The following TMED3 variants were observed in gnomAD, a reference collection of about 807,000 sequenced individuals.
The protein encoded by TMED3 is transmembrane p24 trafficking protein 3.
In TMED3, 9 loss-of-function variants were observed where a neutral mutation model predicts 15.0. The ratio of observed to expected loss-of-function variants is 0.60; its 90% CI spans 0.36 to 1.04. TMED3 has a LOEUF of 1.04. Ranked by LOEUF, TMED3 falls within the 50% of genes least tolerant of loss-of-function variation. The pLI is 0.01. For synonymous variants in TMED3, 117 were observed against 121.4 expected (o/e 0.96, Z 0.24); for missense variants, 267 against 278.9 (o/e 0.96, Z 0.30).
intron 2 of TMED3, among the ~76,000 whole-genome samples, chr15:79,389,520 A>G (rs755665362): frequency 1.3e-5 from 2 of 152,168 alleles, no homozygotes; most frequent in Non-Finnish European, 2.9e-5. Context: ...GAAATCAGGT[A>G]GTGTGATGCC....
intron 2 of TMED3, among the ~76,000 whole-genome samples, chr15:79,399,365 C>T (rs183339532): frequency 6.6e-6 from 1 of 152,294 alleles, no homozygotes; most frequent in African/African-American, 2.4e-5. Flanking sequence ...GTTTCCCAAA[C>T]TGCAACTTCT....
chr15:79,397,483 T>C (rs1893776337), intron 2 of TMED3, among the ~76,000 whole-genome samples: 2 of 152,230 alleles, frequency 1.3e-5, no homozygotes, highest in South Asian at 4.1e-4. Flanking sequence ...TACCATTTTC[T>C]GGTCAGCCCT....
At position 79,392,872 on chromosome 15, in the gene TMED3, C is replaced by A. The variant is rs567044084; in HGVS notation, c.418-18528C>A. Among the ~76,000 whole-genome samples, 15 of 152,318 alleles carry A rather than the reference C, an allele frequency of 9.8e-5. No individual in the cohort carries two copies. The South Asian group carries it at 2.7e-3, about 27-fold the overall frequency. Reference sequence around the variant, plus strand: ...CCTTCCAGTGACACAAAGCTAAAGGCTGTACAAGAGTTGGTTCACTTCTGA... The same window carrying A: ...CCTTCCAGTGACACAAAGCTAAAGGATGTACAAGAGTTGGTTCACTTCTGA... On this transcript the variant is annotated intron_variant, in intron 2 of 2. Coordinates refer to the TMED3 transcript ENST00000424155.
intron 2 of TMED3, among the ~76,000 whole-genome samples, chr15:79,339,108 A>ATT (rs2058839507): frequency 6.6e-6 from 1 of 152,162 alleles, no homozygotes; most frequent in Admixed American, 6.5e-5. Context: ...GCAGTAACAA[A>ATT]TTAGTGAAAG....
At chr15:79,383,133 C>T in intron 2 of TMED3, 2 of 1,008,778 alleles carry the variant, frequency 2.0e-6, no homozygotes, top group Non-Finnish European at 3.0e-6. Flanking sequence ...TGCCATGGTG[C>T]ACTTCACTTC....
chr15:79,325,602 A>T (rs1277701437), downstream of TMED3, among the ~76,000 whole-genome samples: 3 of 152,228 alleles, frequency 2.0e-5, no homozygotes, highest in Non-Finnish European at 1.5e-5. Context: ...GACTCACACG[A>T]TCACAAGGTG....
chr15:79,337,330 G>A (rs139729238), intron 2 of TMED3, among the ~76,000 whole-genome samples: 43 of 152,202 alleles, frequency 2.8e-4, no homozygotes, highest in Non-Finnish European at 4.9e-4. Context: ...CAGTTATGTT[G>A]GGTTAGGGCT....
chr15:79,404,156 A>T (rs1567041062), intron 2 of TMED3, among the ~76,000 whole-genome samples: 5 of 152,190 alleles, frequency 3.3e-5, no homozygotes, highest in African/African-American at 1.2e-4. Flanking sequence ...ATTCTTTAAG[A>T]CTTTGCATGG....
chr15:79,369,486 G>A (rs755941890), intron 2 of TMED3, among the ~76,000 whole-genome samples: 58 of 152,222 alleles, frequency 3.8e-4, no homozygotes, highest in Non-Finnish European at 7.8e-4. Flanking sequence ...ACATTTAAAG[G>A]TGGGATGCCT....
At chr15:79,311,530 C>T in intron 1 of TMED3, 113 bp downstream of exon 1, 1 of 1,334,116 alleles carries the variant, frequency 7.5e-7, no homozygotes, top group Non-Finnish European at 1.0e-6. Context: ...TACAGGGAGG[C>T]TGCATGGGGT....
intron 2 of TMED3, among the ~76,000 whole-genome samples, chr15:79,376,900 C>T (rs763309976): frequency 6.6e-6 from 1 of 152,060 alleles, no homozygotes; most frequent in Non-Finnish European, 1.5e-5. Flanking sequence ...CCTCAGGTAA[C>T]AAGGCCAGTT....
At chr15:79,378,603 G>T (rs1893468214) in intron 2 of TMED3, among the ~76,000 whole-genome samples, 1 of 152,164 alleles carries the variant, frequency 6.6e-6, no homozygotes, top group African/African-American at 2.4e-5. Context: ...ACATGCCTAA[G>T]GTCACTGGGT....
At chr15:79,325,846 C>T (rs529632573), downstream of TMED3, among the ~76,000 whole-genome samples, 3 of 152,156 alleles carry the variant, frequency 2.0e-5, no homozygotes, top group East Asian at 1.9e-4. Flanking sequence ...AGATGAAAGC[C>T]GGAAGACTCA....
In TMED3 at chr15:79,336,311, C is replaced by T. The variant is rs910658648; in HGVS notation, c.417+22306C>T. Among the ~76,000 whole-genome samples the T allele has an allele frequency of 5.9e-5, 9 of 152,288 alleles. No homozygotes were observed. The South Asian group carries it at 8.3e-4, about 14-fold the overall frequency. On this transcript the variant is annotated intron_variant, in intron 2 of 2. Transcript: ENST00000424155. Reference sequence around the variant, plus strand: ...TTAAAACATCAAAAAGCTAGGCCCCCACTGGCTGGCTAGTGGAGCTGGATC... The same window carrying T: ...TTAAAACATCAAAAAGCTAGGCCCCTACTGGCTGGCTAGTGGAGCTGGATC...
At chr15:79,359,169 G>A (rs1893074922) in intron 2 of TMED3, among the ~76,000 whole-genome samples, 1 of 151,862 alleles carries the variant, frequency 6.6e-6, no homozygotes, top group Non-Finnish European at 1.5e-5. Context: ...AAACAAAAGT[G>A]GACTGTGTGC....
chr15:79,402,797 A>C (rs1893851014), intron 2 of TMED3, among the ~76,000 whole-genome samples: 1 of 151,920 alleles, frequency 6.6e-6, no homozygotes, highest in Non-Finnish European at 1.5e-5. Context: ...AATAAAAATA[A>C]AAATAAAAAA....
chr15:79,394,186 T>C (rs1893734986), intron 2 of TMED3, among the ~76,000 whole-genome samples: 1 of 152,044 alleles, frequency 6.6e-6, no homozygotes, highest in Non-Finnish European at 1.5e-5. Flanking sequence ...CCAAATGGCG[T>C]TTACATAATA....
chr15:79,315,115 T>C (rs6495391), intron 2 of TMED3, among the ~76,000 whole-genome samples: 150,293 of 152,284 alleles, frequency 0.99, 74,200 homozygotes, highest in East Asian at 1. Flanking sequence ...CAAGGTGGCA[T>C]CCTTCCTCTG....
intron 2 of TMED3, among the ~76,000 whole-genome samples, chr15:79,369,235 A>G (rs1205487998): frequency 6.6e-6 from 1 of 152,212 alleles, no homozygotes; most frequent in Non-Finnish European, 1.5e-5. Context: ...AAACAAAAGC[A>G]TGCCCACTAG....
Sources: gnomAD v4.1 joint callset for allele counts (sites outside exome capture counted in the v4.1 genomes callset) on GRCh38, gnomAD v4.1.1 for gene constraint, MANE v1.5 for transcripts, NCBI Gene and HGNC (gene_info 2026-07-23, HGNC 2026-07-21) for gene names.